Variants in CCDC171 observed in about 807,000 individuals in gnomAD.
CCDC171 encodes coiled-coil domain containing 171.
A neutral mutation model predicts 168.2 loss-of-function variants in CCDC171; 177 were observed. The observed-to-expected ratio is 1.05, with a 90% CI of 0.93 to 1.19. The LOEUF (loss-of-function observed/expected upper bound fraction) is 1.19, where lower values mean the gene tolerates loss of function less well. CCDC171 is among the 50% of genes most tolerant of loss of function. The pLI, the probability that CCDC171 is intolerant of heterozygous loss-of-function variation, is 0.00. For synonymous variants in CCDC171, 687 were observed against 540.8 expected, an observed-to-expected ratio of 1.27 and a Z score of -3.75; for missense variants, 1,991 against 1,539.0, an observed-to-expected ratio of 1.29 and a Z score of -4.91.
chr9:15,580,548 T>G (rs2041026556), intron 4 of CCDC171, among the ~76,000 whole-genome samples: 1 of 151,148 alleles, frequency 6.6e-6, no homozygotes, highest in Non-Finnish European at 1.5e-5. Flanking sequence ...AAACAAATAA[T>G]CCCATCAAAA....
At chr9:15,743,389 C>G (rs2055031703) in intron 16 of CCDC171, among the ~76,000 whole-genome samples, 1 of 151,808 alleles carries the variant, frequency 6.6e-6, no homozygotes, top group Non-Finnish European at 1.5e-5. Context: ...CCAGGATGGT[C>G]TCAAACTCTT....
At chr9:15,623,479 A>ACACACACG in intron 7 of CCDC171, 66 bp downstream of exon 7, 1 of 399,544 alleles carries the variant, frequency 2.5e-6, no homozygotes, top group East Asian at 6.6e-5. Context: ...GCGCGCGCAC[A>ACACACACG]CACACACACA....
intron 24 of CCDC171, among the ~76,000 whole-genome samples, chr9:15,904,948 G>A (rs1589066337): frequency 6.6e-6 from 1 of 151,298 alleles, no homozygotes. Flanking sequence ...ATGGTAAAGG[G>A]ATCAATTCAA....
the CCDC171 span, among the ~76,000 whole-genome samples, chr9:16,095,890 A>AT: frequency 6.9e-6 from 1 of 145,412 alleles, no homozygotes; most frequent in African/African-American, 2.6e-5. Flanking sequence ...ATATATATAT[A>AT]TATATATATA....
chr9:15,567,142 C>G (rs1161691228), intron 2 of CCDC171, among the ~76,000 whole-genome samples: 1 of 151,778 alleles, frequency 6.6e-6, no homozygotes, highest in Non-Finnish European at 1.5e-5. Flanking sequence ...CTGCCTCAAC[C>G]TCCCGAGTAG....
chr9:15,689,603 C>G (rs1034941895), intron 10 of CCDC171, among the ~76,000 whole-genome samples: 18 of 152,126 alleles, frequency 1.2e-4, no homozygotes, highest in Non-Finnish European at 2.4e-4. Flanking sequence ...TCCAGCTATT[C>G]AGGAGGCTGA....
chr9:15,777,277 C>T (rs1235365278), intron 18 of CCDC171, among the ~76,000 whole-genome samples: 2 of 152,188 alleles, frequency 1.3e-5, no homozygotes, highest in African/African-American at 2.4e-5. Context: ...CAAGCTTTGG[C>T]AGTTGTAAAT....
the CCDC171 span, among the ~76,000 whole-genome samples, chr9:16,078,728 C>T: frequency 6.6e-6 from 1 of 152,174 alleles, no homozygotes; most frequent in Non-Finnish European, 1.5e-5. Flanking sequence ...AGCTTCACCT[C>T]TCCGTTCCCT....
At chr9:15,736,190 T>A (rs1456519611) in intron 16 of CCDC171, among the ~76,000 whole-genome samples, 1 of 152,180 alleles carries the variant, frequency 6.6e-6, no homozygotes, top group African/African-American at 2.4e-5. Flanking sequence ...ACAAAGTGAA[T>A]GTTATGGACT....
chr9:15,863,250 G>C (rs372901460), intron 23 of CCDC171, among the ~76,000 whole-genome samples: 10 of 152,108 alleles, frequency 6.6e-5, no homozygotes, highest in African/African-American at 2.2e-4. Flanking sequence ...TGCTGGGAGT[G>C]GGGATTACGA....
At chr9:15,977,479 G>A (rs527302411), downstream of CCDC171, among the ~76,000 whole-genome samples, 1 of 152,298 alleles carries the variant, frequency 6.6e-6, no homozygotes, top group South Asian at 2.1e-4. Context: ...CTGTGTAGGT[G>A]TGTTTGATGC....
the CCDC171 span, among the ~76,000 whole-genome samples, chr9:16,084,292 G>A: frequency 6.6e-6 from 1 of 151,978 alleles, no homozygotes; most frequent in East Asian, 1.9e-4. Flanking sequence ...TTCTCTCTCT[G>A]TCTTTGGCTG....
intron 25 of CCDC171, 71 bp downstream of exon 25, chr9:15,920,493 T>A: frequency 8.9e-7 from 1 of 1,120,850 alleles, no homozygotes; most frequent in Non-Finnish European, 1.3e-6. Flanking sequence ...ATGTTTTTAA[T>A]GTTCATAAGA....
chr9:15,873,912 G>A (rs535521211), intron 23 of CCDC171, among the ~76,000 whole-genome samples: 1 of 152,144 alleles, frequency 6.6e-6, no homozygotes, highest in African/African-American at 2.4e-5. Flanking sequence ...GTATTGTTTA[G>A]AAATTGTGTG....
intron 18 of CCDC171, among the ~76,000 whole-genome samples, chr9:15,755,368 G>A (rs547035767): frequency 6.6e-6 from 1 of 152,266 alleles, no homozygotes; most frequent in African/African-American, 2.4e-5. Context: ...GAGTCTGGAA[G>A]TTCATTAAAA....
intron 6 of CCDC171, among the ~76,000 whole-genome samples, chr9:15,613,230 T>G (rs1485029931): frequency 2.0e-5 from 3 of 152,226 alleles, no homozygotes; most frequent in African/African-American, 7.2e-5. Context: ...TCAGTCTTTT[T>G]GATGATAACC....
Position 15,784,535 on chromosome 9 carries a change from A to C in CCDC171, c.3108A>C (p.Glu1036Asp), listed in dbSNP as rs1278439945. 1.9e-6 allele frequency: 3 copies of C among 1,612,994 alleles called. No individual in the cohort carries two copies. In the South Asian group the frequency reaches 3.3e-5, roughly 18 times the overall value. The change falls in exon 21 of 26, where the codon GAA (glutamate) becomes GAC (aspartate). Residue 1036 changes from glutamate to aspartate, a missense_variant. Coordinates refer to ENST00000380701, the MANE Select transcript of CCDC171 (RefSeq NM_173550.4). ...AATTGATCACCCATGAGAAGTTTGA[A>C]AGTGCATGTGAAGAACTAAATAATG... ...QSKLITHEKF[E>D]SACEELNNAL...
At chr9:15,643,634 A>G (rs1008238581) in intron 7 of CCDC171, among the ~76,000 whole-genome samples, 2 of 152,176 alleles carry the variant, frequency 1.3e-5, no homozygotes, top group Non-Finnish European at 2.9e-5. Flanking sequence ...TATATTCACT[A>G]TACTGTGCAA....
At chr9:15,695,976 C>A (rs548585164) in intron 11 of CCDC171, among the ~76,000 whole-genome samples, 1 of 152,154 alleles carries the variant, frequency 6.6e-6, no homozygotes, top group African/African-American at 2.4e-5. Flanking sequence ...ACTATTTCTA[C>A]TTTCTTAGTG....
Sources: allele counts gnomAD v4.1 joint callset (sites outside exome capture counted in the v4.1 genomes callset), GRCh38; gene constraint gnomAD v4.1.1; transcripts MANE v1.5; gene names NCBI Gene and HGNC (gene_info 2026-07-23, HGNC 2026-07-21).